Variants in SGCZ observed in about 807,000 individuals in gnomAD.
SGCZ encodes the protein zeta-sarcoglycan.
A neutral mutation model predicts 41.3 loss-of-function variants in SGCZ; 40 were observed. The ratio of observed to expected loss-of-function variants is 0.97; its 90% CI spans 0.75 to 1.26. The LOEUF is 1.26. Among genes scored for constraint, SGCZ ranks in the 50% most tolerant of loss-of-function variants. The pLI, the probability that SGCZ is intolerant of heterozygous loss-of-function variation, is 0.00. For missense variants in SGCZ, 552 were observed against 369.8 expected (o/e 1.49, Z -4.04); for synonymous variants, 206 against 137.5 (o/e 1.50, Z -3.49).
At chr8:14,882,682 GATT>G (rs547252546) in intron 1 of SGCZ, among the ~76,000 whole-genome samples, 81 of 152,164 alleles carry the variant, frequency 5.3e-4, no homozygotes, top group African/African-American at 1.9e-3. Flanking sequence ...CCCATTGTTT[GATT>G]ACGACAGCTC....
intron 1 of SGCZ, among the ~76,000 whole-genome samples, chr8:15,070,666 T>A (rs534514968): frequency 5.9e-5 from 9 of 152,164 alleles, no homozygotes; most frequent in Non-Finnish European, 1.3e-4. Context: ...GGATGTTACT[T>A]AAAGAGCAAT....
intron 1 of SGCZ, among the ~76,000 whole-genome samples, chr8:14,728,675 T>G (rs919167411): frequency 1.3e-5 from 2 of 152,194 alleles, no homozygotes; most frequent in Admixed American, 1.3e-4. Context: ...TTTATTTATG[T>G]CTCAATCAGT....
chr8:15,136,673 T>C lies in SGCZ; in HGVS notation c.39+100912A>G, dbSNP rs755642205. Among the ~76,000 whole-genome samples, 79 of 152,288 alleles carry C rather than the reference T, an allele frequency of 5.2e-4. 1 individual carries two copies. In the Middle Eastern group the frequency reaches 0.027, roughly 52 times the overall value. ...AGTGTCTGGTATTTTCCCTGCTTGC[T>C]CTCATTCTCCATTTTGCCACCCTGT... On this transcript the variant is annotated intron_variant, in intron 1 of 7. Transcript: ENST00000382080.
At chr8:14,222,660 C>T (rs1317394500) in intron 4 of SGCZ, among the ~76,000 whole-genome samples, 8 of 151,882 alleles carry the variant, frequency 5.3e-5, no homozygotes, top group Non-Finnish European at 1.2e-4. Flanking sequence ...AAAAATGAAA[C>T]TTTACTCCAT....
chr8:14,132,695 T>G (rs1803078416), intron 5 of SGCZ, among the ~76,000 whole-genome samples: 1 of 152,160 alleles, frequency 6.6e-6, no homozygotes, highest in Non-Finnish European at 1.5e-5. Flanking sequence ...TTCTGTCCAT[T>G]TATCTTGTTC....
At chr8:14,705,758 A>C (rs928586624) in intron 1 of SGCZ, among the ~76,000 whole-genome samples, 8 of 152,082 alleles carry the variant, frequency 5.3e-5, no homozygotes, top group Non-Finnish European at 7.4e-5. Context: ...ACATCTTTGG[A>C]AAACAGTTTT....
At chr8:14,240,305 G>A (rs918573296) in intron 3 of SGCZ, among the ~76,000 whole-genome samples, 1 of 129,392 alleles carries the variant, frequency 7.7e-6, no homozygotes, top group Non-Finnish European at 1.6e-5. Flanking sequence ...TCCAGCCTGA[G>A]TGACAGAGCG....
At chr8:14,590,107 TA>T (rs35104456) in intron 1 of SGCZ, among the ~76,000 whole-genome samples, 1 of 151,758 alleles carries the variant, frequency 6.6e-6, no homozygotes, top group African/African-American at 2.4e-5. Context: ...TGTTCTTTGG[TA>T]AAAAAAAGAA....
intron 1 of SGCZ, among the ~76,000 whole-genome samples, chr8:15,235,305 C>G (rs1486829111): frequency 6.6e-6 from 1 of 152,158 alleles, no homozygotes; most frequent in African/African-American, 2.4e-5. Flanking sequence ...TCAAAACTGC[C>G]AACATAAATT....
At chr8:14,090,674 A>C in intron 7 of SGCZ, 37 bp from the exon 8 acceptor site, 1 of 1,579,322 alleles carries the variant, frequency 6.3e-7, no homozygotes, top group Non-Finnish European at 8.6e-7. Flanking sequence ...AATTCATTTT[A>C]GAAATGTAGC....
intron 3 of SGCZ, among the ~76,000 whole-genome samples, chr8:14,297,445 A>G (rs1026468618): frequency 6.6e-6 from 1 of 152,010 alleles, no homozygotes; most frequent in Non-Finnish European, 1.5e-5. Context: ...AAAAAAAGGG[A>G]AAAGTATCAA....
intron 1 of SGCZ, among the ~76,000 whole-genome samples, chr8:14,679,513 T>C: frequency 1.0e-5 from 1 of 97,204 alleles, no homozygotes; most frequent in Non-Finnish European, 2.4e-5. Flanking sequence ...ATATTATATA[T>C]ATACACACAT....
intron 1 of SGCZ, among the ~76,000 whole-genome samples, chr8:15,129,413 T>C (rs1237928545): frequency 1.3e-5 from 2 of 152,186 alleles, no homozygotes; most frequent in African/African-American, 4.8e-5. Flanking sequence ...ATAACATTTT[T>C]AGTCAAAGAT....
intron 1 of SGCZ, among the ~76,000 whole-genome samples, chr8:14,785,618 T>G (rs1345541272): frequency 1.3e-5 from 2 of 152,154 alleles, no homozygotes; most frequent in Non-Finnish European, 2.9e-5. Context: ...AACCAAAAGC[T>G]TGACAATGTT....
rs59148354 is a variant in SGCZ, at chr8:14,449,402, T to C, written c.234+105330A>G. Among the ~76,000 whole-genome samples, 528 of 152,306 alleles carry C rather than the reference T, an allele frequency of 3.5e-3. 28 individuals are homozygous for C. The East Asian group carries it at 0.083, about 24-fold the overall frequency. On this transcript the variant is annotated intron_variant, in intron 2 of 7. Transcript: ENST00000382080. ...GACTTTTCTAGACCTGGATCATTTG[T>C]GTCCCAATATTTGACTGATTTTGGG...
rs111998987 is a variant in SGCZ, at chr8:14,913,228, T to C, written c.39+324357A>G. Among the ~76,000 whole-genome samples, 652 of 152,188 alleles carry C rather than the reference T, an allele frequency of 4.3e-3. 8 individuals carry two copies. Among genetic ancestry groups the C allele is most frequent in the African/African-American group, 0.015 (620 of 41,558 alleles). On this transcript the variant is annotated intron_variant, in intron 1 of 7. Transcript: ENST00000382080. ...ATTAACATAACATTCAAAGACATAT[T>C]TGCATGAACTTCATATTGAAATGTA...
At chr8:14,702,658 C>T (rs180672657) in intron 1 of SGCZ, among the ~76,000 whole-genome samples, 1 of 151,810 alleles carries the variant, frequency 6.6e-6, no homozygotes, top group African/African-American at 2.4e-5. Flanking sequence ...TTGCTCAAGT[C>T]AAACACCTTG....
At chr8:14,855,671 A>ACCC (rs1803523961) in intron 1 of SGCZ, among the ~76,000 whole-genome samples, 1 of 152,208 alleles carries the variant, frequency 6.6e-6, no homozygotes, top group African/African-American at 2.4e-5. Flanking sequence ...TTGTGGTTGT[A>ACCC]TTATTGCAAA....
chr8:14,157,393 T>TGC (rs1473610543), intron 5 of SGCZ, among the ~76,000 whole-genome samples: 6 of 149,426 alleles, frequency 4.0e-5, no homozygotes, highest in African/African-American at 1.5e-4. Flanking sequence ...TGTGTGTGTG[T>TGC]ATGCTCAGCC....
Sources: allele counts gnomAD v4.1 joint callset (sites outside exome capture counted in the v4.1 genomes callset), GRCh38; gene constraint gnomAD v4.1.1; transcripts MANE v1.5; gene names NCBI Gene and HGNC (gene_info 2026-07-23, HGNC 2026-07-21).